The following TENM3 variants were observed in gnomAD, a reference collection of about 807,000 sequenced individuals.
The protein encoded by TENM3 is teneurin-3.
Under a neutral mutation model 255.1 loss-of-function variants are expected in TENM3, and 63 were observed. The observed-to-expected ratio is 0.25, with a 90% CI of 0.20 to 0.30. The LOEUF (loss-of-function observed/expected upper bound fraction) is 0.30, where lower values mean the gene tolerates loss of function less well. TENM3 is among the 10% of genes least tolerant of loss of function. The probability of loss-of-function intolerance (pLI) is 1.00; values close to 1 mark genes in which losing one functional copy is unlikely to be tolerated. For synonymous variants in TENM3, 1,306 were observed against 1,322.3 expected (o/e 0.99, Z 0.27); for missense variants, 2,929 against 3,461.1 (o/e 0.85, Z 3.86).
At chr4:182,153,301 G>A (rs545891583) in intron 1 of TENM3, among the ~76,000 whole-genome samples, 3 of 151,980 alleles carry the variant, frequency 2.0e-5, no homozygotes, top group Admixed American at 6.6e-5. Context: ...TATACAATAT[G>A]TAAAATCCAT....
chr4:181,715,599 C>T, the TENM3 span, among the ~76,000 whole-genome samples: 2 of 152,120 alleles, frequency 1.3e-5, no homozygotes, highest in South Asian at 2.1e-4. Context: ...TAGGCTGAAA[C>T]GATTGTAAAA....
intron 3 of TENM3, among the ~76,000 whole-genome samples, chr4:182,449,320 G>A (rs1242560230): frequency 6.6e-6 from 1 of 151,096 alleles, no homozygotes; most frequent in East Asian, 1.9e-4. Flanking sequence ...CTGAGATGAG[G>A]TGGCTTTTTA....
chr4:181,850,992 G>A, the TENM3 span, among the ~76,000 whole-genome samples: 2 of 147,146 alleles, frequency 1.4e-5, no homozygotes, highest in African/African-American at 5.0e-5. Flanking sequence ...GGGACAGACG[G>A]GATAAAGCTG....
the TENM3 span, among the ~76,000 whole-genome samples, chr4:181,550,895 T>C: frequency 6.6e-6 from 1 of 152,092 alleles, no homozygotes; most frequent in African/African-American, 2.4e-5. Context: ...AAACTACCCA[T>C]ACTTTAATAA....
At chr4:182,499,431 T>G (rs2151639628) in intron 3 of TENM3, among the ~76,000 whole-genome samples, 1 of 152,236 alleles carries the variant, frequency 6.6e-6, no homozygotes, top group East Asian at 1.9e-4. Flanking sequence ...GACTGTCTGG[T>G]ATTTGAACCC....
the TENM3 span, among the ~76,000 whole-genome samples, chr4:181,478,251 T>C: frequency 2.6e-5 from 4 of 152,260 alleles, no homozygotes; most frequent in Non-Finnish European, 5.9e-5. Context: ...TTTATTTTAA[T>C]GTAACATTAT....
intron 6 of TENM3, among the ~76,000 whole-genome samples, chr4:182,660,738 AT>A (rs1168228744): frequency 6.6e-6 from 1 of 152,210 alleles, no homozygotes; most frequent in Non-Finnish European, 1.5e-5. Context: ...GAATTTATTC[AT>A]TTTACATTTG....
At chr4:182,402,310 A>T (rs1769264596) in intron 3 of TENM3, among the ~76,000 whole-genome samples, 1 of 152,186 alleles carries the variant, frequency 6.6e-6, no homozygotes, top group Admixed American at 6.5e-5. Flanking sequence ...TAGATGGGCA[A>T]AATATTATGT....
intron 3 of TENM3, among the ~76,000 whole-genome samples, chr4:182,526,796 A>G (rs1256231484): frequency 6.6e-6 from 1 of 152,190 alleles, no homozygotes; most frequent in Non-Finnish European, 1.5e-5. Flanking sequence ...TTATTCATTA[A>G]CATAGACAGG....
intron 4 of TENM3, among the ~76,000 whole-genome samples, chr4:182,614,297 C>T (rs72701977): frequency 0.2 from 30,536 of 151,966 alleles, 3,676 homozygotes; most frequent in Non-Finnish European, 0.27. Flanking sequence ...TCATTAAATG[C>T]ATAGTATTAA....
At chr4:182,113,008 C>G in the TENM3 span, among the ~76,000 whole-genome samples, 1 of 152,174 alleles carries the variant, frequency 6.6e-6, no homozygotes, top group Non-Finnish European at 1.5e-5. Context: ...TGGCCCTCCT[C>G]ATCTGCAGAT....
chr4:182,120,356 G>C, the TENM3 span, among the ~76,000 whole-genome samples: 27 of 152,208 alleles, frequency 1.8e-4, no homozygotes, highest in East Asian at 4.3e-3. Flanking sequence ...TGCTCTCTGT[G>C]ATGTTTACAC....
intron 2 of TENM3, among the ~76,000 whole-genome samples, chr4:182,329,263 C>T (rs1476080140): frequency 2.6e-5 from 4 of 152,126 alleles, no homozygotes; most frequent in East Asian, 3.9e-4. Flanking sequence ...GAAGCCCTAA[C>T]GTGAAGGTCA....
chr4:182,656,398 T>G (rs1488147384), intron 6 of TENM3, among the ~76,000 whole-genome samples: 1 of 152,162 alleles, frequency 6.6e-6, no homozygotes, highest in African/African-American at 2.4e-5. Context: ...CAAATACAAG[T>G]TCTTAATATC....
the TENM3 span, among the ~76,000 whole-genome samples, chr4:181,576,954 C>T: frequency 4.5e-4 from 63 of 138,602 alleles, no homozygotes; most frequent in Middle Eastern, 7.2e-3. Flanking sequence ...GCTGGGATTA[C>T]AGGCATGTGC....
chr4:181,642,078 A>G, the TENM3 span, among the ~76,000 whole-genome samples: 1 of 151,166 alleles, frequency 6.6e-6, no homozygotes, highest in Non-Finnish European at 1.5e-5. Context: ...ACTAATTTAC[A>G]CTCCCACCAA....
At chr4:182,061,999 A>G in the TENM3 span, among the ~76,000 whole-genome samples, 4 of 152,122 alleles carry the variant, frequency 2.6e-5, no homozygotes, top group African/African-American at 9.7e-5. Context: ...AAATATTTGC[A>G]TTGTTGGAGC....
At chr4:182,672,061 A>G (rs182125472) in intron 6 of TENM3, among the ~76,000 whole-genome samples, 2 of 152,314 alleles carry the variant, frequency 1.3e-5, no homozygotes, top group East Asian at 1.9e-4. Flanking sequence ...ACCCGTCTGC[A>G]TAAGAGACAA....
chr4:181,666,517 A>T, the TENM3 span, among the ~76,000 whole-genome samples: 3 of 152,164 alleles, frequency 2.0e-5, no homozygotes, highest in African/African-American at 4.8e-5. Flanking sequence ...TTTACTCTCA[A>T]AATGAACATA....
Sources: allele counts gnomAD v4.1 joint callset (sites outside exome capture counted in the v4.1 genomes callset), GRCh38; gene constraint gnomAD v4.1.1; transcripts MANE v1.5; gene names NCBI Gene and HGNC (gene_info 2026-07-23, HGNC 2026-07-21).